BRIX1: variants seen among roughly 807,000 people sequenced by gnomAD.
BRIX1 encodes ribosome biogenesis protein BRX1 homolog.
In BRIX1, 15 loss-of-function variants were observed where a neutral mutation model predicts 44.0. The ratio of observed to expected loss-of-function variants is 0.34; its 90% CI spans 0.23 to 0.53. BRIX1 has a LOEUF of 0.53. Among genes scored for constraint, BRIX1 ranks in the 20% least tolerant of loss-of-function variants. BRIX1 has a pLI of 0.95. For missense variants in BRIX1, 420 were observed against 432.8 expected (o/e 0.97, Z 0.26); for synonymous variants, 149 against 135.4 (o/e 1.10, Z -0.70).
rs569484226 is a variant in BRIX1 at position 34,925,063 on chromosome 5, T to C, written c.792+88T>C. 1.6e-5 allele frequency: 24 copies of C among 1,506,616 alleles called. No individual in the cohort carries two copies. In the Admixed American group the frequency reaches 5.4e-4, roughly 34 times the overall value. The allele number at this position is 1,506,616 out of a possible 1,614,324, so 93.3% of individuals were successfully genotyped here. ...GTGAAGTAATTGCTGTTTTATTACC[T>C]GTGAAACTGAATTTGGTTTTTGCTG... On this transcript the variant is annotated intron_variant, in intron 9 of 9. Coordinates refer to ENST00000336767, the MANE Select transcript of BRIX1 (RefSeq NM_018321.4).
At chr5:34,921,376 A>C (rs1395161899) in intron 3 of BRIX1, 2 of 152,200 alleles carry the variant, frequency 1.3e-5, no homozygotes, top group Non-Finnish European at 2.9e-5. Flanking sequence ...ACCAGAAATG[A>C]TAGTATAAAT....
At position 34,925,207 on chromosome 5, in the gene BRIX1, C is replaced by CTT. The variant is rs35326249; in HGVS notation, c.793-4_793-3dup. Reference sequence around the variant, plus strand: ...TATTTTTATTTCAAAAGCATCTAATCTTTTTTTTTTTTTTTTAGCATCGGC... The same window carrying CTT: ...TATTTTTATTTCAAAAGCATCTAATCTTTTTTTTTTTTTTTTTTAGCATCGGC... On this transcript the variant is annotated intron_variant, in intron 9 of 9. Transcript: ENST00000336767. 4,347 of 1,353,258 alleles carry CTT rather than the reference C, an allele frequency of 3.2e-3. No homozygotes were observed. Among genetic ancestry groups the CTT allele is most frequent in the South Asian group, 6.2e-3 (412 of 66,366 alleles). The allele number at this position is 1,353,258 out of a possible 1,614,324, so 83.8% of individuals were successfully genotyped here.
At position 34,915,809 on chromosome 5, in the gene BRIX1, T is replaced by C. The variant is rs2111963548; in HGVS notation, c.71T>C (p.Ile24Thr). Residue 24 changes from isoleucine to threonine, a missense_variant, in exon 1 of 10, where the codon ATA becomes ACA. Coordinates refer to ENST00000336767, the MANE Select transcript of BRIX1 (RefSeq NM_018321.4). ...VQAKKPKRNE[I>T]DAEPPAKRHA... is the part of the protein sequence containing the mutation. The stretch of plus-strand genomic sequence containing the variant: ...GCGAAGAAGCCAAAAAGAAACGAAA[T>C]AGATGCGGAGCCGCCAGCTAAGCGG... 6.3e-7 allele frequency: 1 copy of C among 1,582,878 alleles called. No individual in the cohort carries two copies. The highest frequency in any genetic ancestry group is 1.8e-5 in the Admixed American group (1 of 54,718).
rs1180243435 is a variant in BRIX1 at position 34,925,745 on chromosome 5, T to C, written c.*250T>C. Reference sequence around the variant, plus strand: ...GTAGCACACTTAATGTAGCCTGTTCTCTTGGGTTGGAATTTTTGGTTTAGC... The same window carrying C: ...GTAGCACACTTAATGTAGCCTGTTCCCTTGGGTTGGAATTTTTGGTTTAGC... On this transcript the variant is annotated 3_prime_UTR_variant, in exon 10 of 10. Coordinates refer to ENST00000336767, the MANE Select transcript of BRIX1 (RefSeq NM_018321.4). The C allele has an allele frequency of 2.0e-5, 7 of 358,356 alleles. No individual in the cohort carries two copies. The highest frequency in any genetic ancestry group is 3.4e-5 in the Non-Finnish European group (7 of 203,132). 22.2% of individuals were successfully genotyped at this position (358,356 alleles called of 1,614,324 possible).
chr5:34,922,058 T>A, intron 3 of BRIX1, 159 bp from the exon 4 acceptor site: 1 of 423,944 alleles, frequency 2.4e-6, no homozygotes, highest in Non-Finnish European at 4.2e-6. Context: ...AGAGGAACTT[T>A]AAAGGTTCCT....
intron 8 of BRIX1, among the ~76,000 whole-genome samples, chr5:34,924,131 A>T (rs989707057): frequency 6.6e-6 from 1 of 152,228 alleles, no homozygotes; most frequent in Non-Finnish European, 1.5e-5. Context: ...TCACACAGTG[A>T]CTCATTCAGG....
chr5:34,919,855 G>T lies in BRIX1; in HGVS notation c.287G>T (p.Arg96Leu). ...CTTTTTCTAGATACTAAAATGGATC[G>T]TAAGGATAAGCTATTTGTGATTAAC... is the stretch of plus-strand genomic sequence containing the variant. ...PHSKADTKMD[R>L]KDKLFVINEV... The change falls in exon 3 of 10, where the codon CGT (arginine) becomes CTT (leucine). Residue 96 changes from arginine to leucine, a missense_variant. Arg to Leu is a moderately radical substitution (Grantham distance 102). Transcript: ENST00000336767. The T allele has an allele frequency of 8.7e-7, 1 of 1,146,476 alleles. No homozygotes were observed. The allele number at this position is 1,146,476 out of a possible 1,614,324, so 71.0% of individuals were successfully genotyped here.
chr5:34,918,170 C>T (rs1391948652), intron 1 of BRIX1, 194 bp from the exon 2 acceptor site: 3 of 341,422 alleles, frequency 8.8e-6, no homozygotes, highest in African/African-American at 4.4e-5. Context: ...ACTAGCTGGA[C>T]ATGGTGGCAC....
At position 34,918,288 on chromosome 5, in the gene BRIX1, G is replaced by GTTGCCC. The variant is rs1580511220; in HGVS notation, c.160-75_160-74insTGCCCT. The GTTGCCC allele has an allele frequency of 2.5e-5, 19 of 773,084 alleles. No individual in the cohort carries two copies. The East Asian group carries it at 5.1e-4, about 21-fold the overall frequency. 47.9% of individuals were successfully genotyped at this position (773,084 alleles called of 1,614,324 possible). A position where few individuals can be genotyped will look rare whatever the true frequency, so the allele number is the denominator to read the frequency against. On this transcript the variant is annotated intron_variant, in intron 1 of 9. Coordinates refer to ENST00000336767, the MANE Select transcript of BRIX1 (RefSeq NM_018321.4). The stretch of plus-strand genomic sequence containing the variant: ...CGTGAGCACTTCAGCCTGGGCAACA[G>GTTGCCC]TGTGAGACCCTGTCACAAAACAAGA...
At chr5:34,917,477 CA>C (rs551951963) in intron 1 of BRIX1, among the ~76,000 whole-genome samples, 511 of 138,574 alleles carry the variant, frequency 3.7e-3, no homozygotes, top group African/African-American at 6.1e-3. Flanking sequence ...ACTAACACTA[CA>C]AAAAAAAAAA....
At chr5:34,916,067 C>T in intron 1 of BRIX1, 170 bp downstream of exon 1, 1 of 726,370 alleles carries the variant, frequency 1.4e-6, no homozygotes, top group Non-Finnish European at 2.1e-6. Flanking sequence ...TGCAGCTAAT[C>T]CTTGTGCACG....
intron 1 of BRIX1, 145 bp from the exon 2 acceptor site, chr5:34,918,219 G>A: frequency 1.9e-6 from 1 of 512,842 alleles, no homozygotes. Flanking sequence ...GCTGGGGTGG[G>A]AGGATCACTT....
intron 3 of BRIX1, chr5:34,920,820 A>G (rs1048219546): frequency 3.3e-5 from 5 of 152,228 alleles, no homozygotes; most frequent in Admixed American, 6.5e-5. Flanking sequence ...CCAGTAAGAA[A>G]CAAAAGTTTT....
intron 1 of BRIX1, 127 bp downstream of exon 1, chr5:34,916,024 A>T: frequency 8.8e-7 from 1 of 1,140,014 alleles, no homozygotes; most frequent in Non-Finnish European, 1.2e-6. Flanking sequence ...GGTCGGTTTT[A>T]GCAATTCTCC....
At chr5:34,922,470 T>G in intron 4 of BRIX1, 69 bp from the exon 5 acceptor site, 1 of 1,008,222 alleles carries the variant, frequency 9.9e-7, no homozygotes, top group Non-Finnish European at 1.5e-6. Context: ...ATATTATTTA[T>G]GGTGAATAGG....
chr5:34,918,140 CAAAAAA>C, intron 1 of BRIX1: 4 of 98,508 alleles, frequency 4.1e-5, no homozygotes, highest in Non-Finnish European at 5.5e-5. Context: ...CCCATCTCTA[CAAAAAA>C]AAAAAAAAAA....
At chr5:34,918,496 T>G (rs202209688) in intron 2 of BRIX1, 21 bp downstream of exon 2, 9 of 1,389,042 alleles carry the variant, frequency 6.5e-6, no homozygotes, top group Non-Finnish European at 8.8e-6. Flanking sequence ...ATCATATACT[T>G]TAGAAATTTC....
In BRIX1 at chr5:34,923,026, C is replaced by T. The variant is rs1400656941; in HGVS notation, c.536C>T (p.Ala179Val). The change falls in exon 7 of 10, where the codon GCT (alanine) becomes GTT (valine). Residue 179 changes from alanine (A) to valine (V), a missense_variant. Transcript: ENST00000336767. ...DPAFDELPHY[A>V]LLKELLIQIF... ...GCTTTTGATGAATTACCACATTATG[C>T]TTTGTTAAAAGAACTCTTAATTCAG... 1 of 1,543,858 alleles carries T rather than the reference C, an allele frequency of 6.5e-7. No individual in the cohort carries two copies. The highest frequency in any genetic ancestry group is 1.1e-5 in the South Asian group (1 of 89,186).
intron 8 of BRIX1, among the ~76,000 whole-genome samples, chr5:34,924,358 A>T (rs529204070): frequency 6.6e-6 from 1 of 152,350 alleles, no homozygotes; most frequent in Admixed American, 6.5e-5. Context: ...CTAATAGATA[A>T]CATAAATATT....
Sources: allele counts gnomAD v4.1 joint callset (sites outside exome capture counted in the v4.1 genomes callset), GRCh38; gene constraint gnomAD v4.1.1; transcripts MANE v1.5; gene names NCBI Gene and HGNC (gene_info 2026-07-23, HGNC 2026-07-21).